Variants in GPC5 observed in about 807,000 individuals in gnomAD.
GPC5 encodes glypican-5.
Under a neutral mutation model 53.9 loss-of-function variants are expected in GPC5, and 47 were observed. That is an observed-to-expected ratio of 0.87 (90% confidence interval 0.69 to 1.11). GPC5 has a LOEUF of 1.11. Ranked by LOEUF, GPC5 falls within the 50% of genes most tolerant of loss-of-function variation. The probability of loss-of-function intolerance (pLI) is 0.00; values close to 1 mark genes in which losing one functional copy is unlikely to be tolerated. For synonymous variants in GPC5, 286 were observed against 263.3 expected, an observed-to-expected ratio of 1.09 and a Z score of -0.84; for missense variants, 748 against 713.1, an observed-to-expected ratio of 1.05 and a Z score of -0.56.
intron 7 of GPC5, among the ~76,000 whole-genome samples, chr13:92,489,599 GCAGGGCTGCTCT>G (rs1490606529): frequency 2.6e-5 from 4 of 152,106 alleles, no homozygotes; most frequent in African/African-American, 9.7e-5. Flanking sequence ...GATACCTGAG[GCAGGGCTGCTCT>G]CAGAAACTCA....
intron 7 of GPC5, among the ~76,000 whole-genome samples, chr13:92,159,218 T>C (rs2041968151): frequency 6.6e-6 from 1 of 152,222 alleles, no homozygotes; most frequent in African/African-American, 2.4e-5. Flanking sequence ...TTTTATTTTT[T>C]TCTGCCAATG....
chr13:92,618,982 T>TA (rs1440310552), intron 7 of GPC5, among the ~76,000 whole-genome samples: 2 of 152,110 alleles, frequency 1.3e-5, no homozygotes, highest in Non-Finnish European at 2.9e-5. Flanking sequence ...ACATCTATAT[T>TA]AAAAAGTAGT....
At chr13:92,732,468 GT>G (rs1888834235) in intron 7 of GPC5, among the ~76,000 whole-genome samples, 1 of 151,006 alleles carries the variant, frequency 6.6e-6, no homozygotes. Flanking sequence ...TATCCAATAT[GT>G]TTAATTGTAT....
chr13:92,281,137 G>A (rs1449348286), intron 7 of GPC5, among the ~76,000 whole-genome samples: 1 of 152,194 alleles, frequency 6.6e-6, no homozygotes. Context: ...CGCCCACGGA[G>A]CCTCGCTCAT....
At chr13:92,173,805 G>A (rs1229129845) in intron 7 of GPC5, among the ~76,000 whole-genome samples, 1 of 152,108 alleles carries the variant, frequency 6.6e-6, no homozygotes, top group Non-Finnish European at 1.5e-5. Context: ...GAATGTGGAA[G>A]GCAATATTAA....
intron 6 of GPC5, among the ~76,000 whole-genome samples, chr13:91,969,300 A>G (rs545567632): frequency 1.3e-5 from 2 of 152,244 alleles, no homozygotes; most frequent in South Asian, 4.1e-4. Flanking sequence ...TTTCTTTGAT[A>G]CATTTTAAAA....
At chr13:92,132,908 A>G (rs1464525731) in intron 6 of GPC5, among the ~76,000 whole-genome samples, 3 of 152,112 alleles carry the variant, frequency 2.0e-5, no homozygotes, top group African/African-American at 7.2e-5. Context: ...TATAATACCT[A>G]TTTCTAAAGC....
intron 5 of GPC5, among the ~76,000 whole-genome samples, chr13:91,851,922 C>T (rs1265401128): frequency 1.3e-5 from 2 of 148,860 alleles, no homozygotes; most frequent in South Asian, 4.2e-4. Context: ...TGGGTTGGTT[C>T]CAAGTCTTTG....
intron 7 of GPC5, among the ~76,000 whole-genome samples, chr13:92,623,618 C>T (rs1420687920): frequency 5.3e-5 from 8 of 152,030 alleles, no homozygotes; most frequent in Admixed American, 6.6e-5. Flanking sequence ...TGGATTGTTA[C>T]GGCAAATCTT....
intron 7 of GPC5, among the ~76,000 whole-genome samples, chr13:92,750,029 A>G (rs1889341493): frequency 1.3e-5 from 2 of 152,162 alleles, no homozygotes; most frequent in South Asian, 4.1e-4. Context: ...TGGACTGAAT[A>G]TTTTTCCAGT....
chr13:92,035,151 C>T (rs2040882396), intron 6 of GPC5, among the ~76,000 whole-genome samples: 1 of 146,410 alleles, frequency 6.8e-6, no homozygotes, highest in Non-Finnish European at 1.5e-5. Flanking sequence ...GGAGGCGGGG[C>T]TTGCAGTGAG....
intron 7 of GPC5, among the ~76,000 whole-genome samples, chr13:92,499,018 C>T (rs1880087828): frequency 6.6e-6 from 1 of 151,856 alleles, no homozygotes; most frequent in South Asian, 2.1e-4. Flanking sequence ...AACCTCTTCC[C>T]CCCACTTCAT....
chr13:92,603,120 C>A (rs1218670414), intron 7 of GPC5, among the ~76,000 whole-genome samples: 1 of 152,142 alleles, frequency 6.6e-6, no homozygotes, highest in African/African-American at 2.4e-5. Flanking sequence ...CCATAAATCC[C>A]ACTGTTTGTT....
chr13:92,699,231 T>C (rs1418175984), intron 7 of GPC5, among the ~76,000 whole-genome samples: 2 of 152,222 alleles, frequency 1.3e-5, no homozygotes, highest in African/African-American at 4.8e-5. Flanking sequence ...GTTTATAGTA[T>C]TCTATGATGC....
At chr13:91,429,265 A>G (rs1411897987) in intron 1 of GPC5, among the ~76,000 whole-genome samples, 1 of 152,132 alleles carries the variant, frequency 6.6e-6, no homozygotes, top group East Asian at 1.9e-4. Context: ...CTTCAAGGCA[A>G]CTCATAGACT....
intron 3 of GPC5, among the ~76,000 whole-genome samples, chr13:91,709,262 A>G (rs2036175924): frequency 6.6e-6 from 1 of 152,210 alleles, no homozygotes; most frequent in African/African-American, 2.4e-5. Flanking sequence ...TTTAAAAGAT[A>G]AAATATATTA....
At chr13:92,762,546 T>C (rs1300257654) in intron 7 of GPC5, among the ~76,000 whole-genome samples, 1 of 152,176 alleles carries the variant, frequency 6.6e-6, no homozygotes. Flanking sequence ...TTATAATGTA[T>C]GTCAGGACCT....
intron 5 of GPC5, among the ~76,000 whole-genome samples, chr13:91,816,957 G>C (rs1421103620): frequency 1.3e-5 from 2 of 152,204 alleles, no homozygotes; most frequent in African/African-American, 4.8e-5. Context: ...AAGATGTCAA[G>C]TGTCTGTACT....
At position 92,334,383 on chromosome 13, in the gene GPC5, C is replaced by G. The variant is rs111795979; in HGVS notation, c.1561+189394C>G. Among the ~76,000 whole-genome samples, 354 of 152,240 alleles carry G rather than the reference C, an allele frequency of 2.3e-3. 3 individuals are homozygous for G. Among genetic ancestry groups the G allele is most frequent in the African/African-American group, 7.4e-3 (309 of 41,546 alleles). ...AAGCCCACCCCTATGATTCAATTAC[C>G]TCCACTAGGTCCCTCCCATGACACA... On this transcript the variant is annotated intron_variant, in intron 7 of 7. Coordinates refer to ENST00000377067, the MANE Select transcript of GPC5 (RefSeq NM_004466.6).
Sources: gnomAD v4.1 joint callset for allele counts (sites outside exome capture counted in the v4.1 genomes callset) on GRCh38, gnomAD v4.1.1 for gene constraint, MANE v1.5 for transcripts, NCBI Gene and HGNC (gene_info 2026-07-23, HGNC 2026-07-21) for gene names.